ZNF626: variants seen among roughly 807,000 people sequenced by gnomAD.
The protein encoded by ZNF626 is zinc finger protein 626.
A neutral mutation model predicts 11.7 loss-of-function variants in ZNF626; 4 were observed. The ratio of observed to expected loss-of-function variants is 0.34; its 90% CI spans 0.17 to 0.78. The LOEUF is 0.78. Among genes scored for constraint, ZNF626 ranks in the 30% least tolerant of loss-of-function variants. The pLI is 0.57. For missense variants in ZNF626, 588 were observed against 587.1 expected (o/e 1.00, Z -0.01); for synonymous variants, 179 against 198.6 (o/e 0.90, Z 0.83).
intron 1 of ZNF626, among the ~76,000 whole-genome samples, chr19:20,657,145 G>A (rs1361501064): frequency 6.6e-6 from 1 of 151,740 alleles, no homozygotes; most frequent in South Asian, 2.1e-4. Flanking sequence ...CGAGGCAGGT[G>A]GATTGCCTGA....
intron 3 of ZNF626, among the ~76,000 whole-genome samples, chr19:20,629,324 C>A (rs1414582849): frequency 6.6e-6 from 1 of 152,156 alleles, no homozygotes; most frequent in African/African-American, 2.4e-5. Context: ...TGAAGAAAGT[C>A]ATCGGTAGCT....
intron 1 of ZNF626, among the ~76,000 whole-genome samples, chr19:20,647,393 TTAACTC>T (rs1970091434): frequency 6.6e-6 from 1 of 151,944 alleles, no homozygotes; most frequent in Admixed American, 6.6e-5. Context: ...GGAAAAATAA[TTAACTC>T]TATAGTGAAA....
In ZNF626 at chr19:20,620,010, TC is replaced by T. The variant is rs1969739527; in HGVS notation, c.*4279del. 1 of 152,224 alleles carries T rather than the reference TC, an allele frequency of 6.6e-6. No homozygotes were observed. Among genetic ancestry groups the T allele is most frequent in the Non-Finnish European group, 1.5e-5 (1 of 68,040 alleles). The allele number at this position is 152,224 out of a possible 1,614,324, so 9.4% of individuals were successfully genotyped here. A position where few individuals can be genotyped will look rare whatever the true frequency, so the allele number is the denominator to read the frequency against. ...CTTTTTTTCTGGCTTAAATTATTAT[TC>T]CTTTATGTGTCATTTTATACATTCA... On this transcript the variant is annotated 3_prime_UTR_variant, in exon 4 of 4. Coordinates refer to ENST00000601440, the MANE Select transcript of ZNF626 (RefSeq NM_001076675.3).
At chr19:20,643,873 C>G (rs1301672752) in intron 3 of ZNF626, among the ~76,000 whole-genome samples, 1 of 152,146 alleles carries the variant, frequency 6.6e-6, no homozygotes, top group East Asian at 1.9e-4. Context: ...AGTTGTGAAA[C>G]CCTATTAAAG....
intron 3 of ZNF626, among the ~76,000 whole-genome samples, chr19:20,639,710 C>T (rs186666596): frequency 2.0e-5 from 3 of 152,242 alleles, no homozygotes; most frequent in Admixed American, 6.5e-5. Context: ...GCACTTCACA[C>T]GAGGTGACAG....
chr19:20,627,783 TTTATTA>T (rs1282795527), intron 3 of ZNF626, among the ~76,000 whole-genome samples: 1 of 152,114 alleles, frequency 6.6e-6, no homozygotes, highest in Non-Finnish European at 1.5e-5. Context: ...ATTTTTAAAT[TTTATTA>T]TTATTACACT....
rs1425010198 is a variant in ZNF626, at chr19:20,635,142, C to CA, written c.227-9493dup. 3.3e-5 allele frequency among the ~76,000 whole-genome samples: 5 copies of CA among 152,104 alleles called. No individual in the cohort carries two copies. In the East Asian group the frequency reaches 7.7e-4, roughly 23 times the overall value. On this transcript the variant is annotated intron_variant, in intron 3 of 3. Transcript: ENST00000601440. ...ATAAAATAAGCCAGCCAGAAAAAGA[C>CA]AGAGATTATATGAGATATGTAAAGC...
intron 3 of ZNF626, among the ~76,000 whole-genome samples, chr19:20,629,394 T>A (rs1969877138): frequency 6.6e-6 from 1 of 152,210 alleles, no homozygotes; most frequent in South Asian, 2.1e-4. Flanking sequence ...TTTCACGATA[T>A]TGATTCTTCC....
chr19:20,653,236 TAAAAG>T (rs1555772749), intron 1 of ZNF626, among the ~76,000 whole-genome samples: 1 of 152,094 alleles, frequency 6.6e-6, no homozygotes. Context: ...AAACAATAAT[TAAAAG>T]AAAAATTTTC....
rs1969813697 is a variant in ZNF626, at chr19:20,625,290, G to A, written c.587C>T (p.Thr196Ile). The A allele has an allele frequency of 6.2e-7, 1 of 1,614,004 alleles. No individual in the cohort carries two copies. Among genetic ancestry groups the A allele is most frequent in the East Asian group, 2.2e-5 (1 of 44,872 alleles). The change falls in exon 4 of 4, where the codon ACT becomes ATT. Residue 196 changes from threonine to isoleucine, a missense_variant. This residue lies in a region of ZNF626 where 524 missense variants were observed against 470.1 expected (regional missense o/e 1.11). Coordinates refer to ENST00000601440, the MANE Select transcript of ZNF626 (RefSeq NM_001076675.3). ...TTCACATTTGTAGGGTTTCCCTCCAGTATGAATTTTCTTATGTGTAGTAAG... is the reference window on the plus strand; with the variant it reads ...TTCACATTTGTAGGGTTTCCCTCCAATATGAATTTTCTTATGTGTAGTAAG... The part of the protein sequence containing the change: ...STLTTHKKIH[T>I]GGKPYKCEEC...
chr19:20,656,079 T>G (rs1321678620), intron 1 of ZNF626, among the ~76,000 whole-genome samples: 1 of 151,950 alleles, frequency 6.6e-6, no homozygotes, highest in East Asian at 1.9e-4. Flanking sequence ...GAAAGATATA[T>G]GAAATCCGTA....
At chr19:20,660,243 TAAAAAAA>T (rs35231346) in intron 1 of ZNF626, among the ~76,000 whole-genome samples, 2 of 104,874 alleles carry the variant, frequency 1.9e-5, no homozygotes, top group African/African-American at 3.8e-5. Context: ...ACACTGTGTC[TAAAAAAA>T]AAAAAAAAAA....
chr19:20,637,881 T>C (rs781926749), intron 3 of ZNF626, among the ~76,000 whole-genome samples: 16 of 152,170 alleles, frequency 1.1e-4, no homozygotes, highest in Non-Finnish European at 1.8e-4. Context: ...TAAAATAAAA[T>C]GTAATCTTAG....
At chr19:20,659,568 TAA>T (rs1300763908) in intron 1 of ZNF626, among the ~76,000 whole-genome samples, 3 of 152,068 alleles carry the variant, frequency 2.0e-5, no homozygotes, top group African/African-American at 7.2e-5. Flanking sequence ...AAACTTTACT[TAA>T]GTTTATCTCC....
intron 3 of ZNF626, among the ~76,000 whole-genome samples, chr19:20,643,155 C>G (rs1442608330): frequency 2.0e-5 from 3 of 152,024 alleles, no homozygotes; most frequent in Non-Finnish European, 4.4e-5. Context: ...TAAATAGATT[C>G]TAATGAGAAA....
rs553131276 is a variant in ZNF626, at chr19:20,625,177, A to AT, written c.699dup (p.Cys234MetfsTer6). On this transcript the variant is annotated frameshift_variant, in exon 4 of 4. Coordinates refer to ENST00000601440, the MANE Select transcript of ZNF626 (RefSeq NM_001076675.3). LOFTEE classifies it low-confidence loss of function (END_TRUNC). ...GAGGAGTGCTTAAAGGCTTTGCCAC[A>AT]TTCTTCACATTTGTAGGGTTTCTCT... 6.5e-5 allele frequency: 105 copies of AT among 1,613,094 alleles called. No individual in the cohort carries two copies. Among genetic ancestry groups the AT allele is most frequent in the Non-Finnish European group, 8.5e-5 (100 of 1,179,946 alleles).
At chr19:20,645,533 C>CCAAACAAA in intron 3 of ZNF626, 151 bp downstream of exon 3, 1 of 1,558,592 alleles carries the variant, frequency 6.4e-7, no homozygotes, top group South Asian at 1.2e-5. Context: ...AAAGAAAAAA[C>CCAAACAAA]CAAACAAACA....
At chr19:20,629,947 A>G (rs569581868) in intron 3 of ZNF626, among the ~76,000 whole-genome samples, 6 of 152,220 alleles carry the variant, frequency 3.9e-5, no homozygotes, top group Admixed American at 1.3e-4. Context: ...TTTTGAGATA[A>G]GACCCATCAA....
At chr19:20,630,826 T>C (rs1245326064) in intron 3 of ZNF626, among the ~76,000 whole-genome samples, 2 of 144,848 alleles carry the variant, frequency 1.4e-5, no homozygotes, top group African/African-American at 2.7e-5. Context: ...CTGCTAGCTT[T>C]TGAATGTTTG....
Sources: gnomAD v4.1 joint callset for allele counts (sites outside exome capture counted in the v4.1 genomes callset) on GRCh38, gnomAD v4.1.1 for gene constraint, gnomAD v4.1.1 regional missense constraint, MANE v1.5 for transcripts, NCBI Gene and HGNC (gene_info 2026-07-23, HGNC 2026-07-21) for gene names.